CBLL1: variants seen among roughly 807,000 people sequenced by gnomAD.
The protein encoded by CBLL1 is Cbl proto-oncogene like 1.
CBLL1 carries 4 observed loss-of-function variants against 44.9 expected under a neutral mutation model. That is an observed-to-expected ratio of 0.09 (90% CI 0.04 to 0.20). CBLL1 has a LOEUF of 0.20. Ranked by LOEUF, CBLL1 falls within the 10% of genes least tolerant of loss-of-function variation. The probability of loss-of-function intolerance (pLI) is 1.00; values close to 1 mark genes in which losing one functional copy is unlikely to be tolerated. For synonymous variants in CBLL1, 235 were observed against 202.2 expected (o/e 1.16, Z -1.38); for missense variants, 569 against 636.7 (o/e 0.89, Z 1.14).
chr7:107,758,417 A>G lies in CBLL1; in HGVS notation c.715A>G (p.Met239Val). ...MSHIPPKQHI[M>V]MPPPPLQHVP... ...CCATATTCCGCCAAAGCAGCACATC[A>G]TGATGCCACCACCTCCTTTGCAACA... The change falls in exon 6 of 6, where the codon ATG becomes GTG. Residue 239 changes from methionine (M) to valine (V), a missense_variant. By Grantham distance (21) the Met-to-Val change is conservative (BLOSUM62 1). Around this residue, in one of 5 missense-constraint regions of CBLL1, gnomAD observed 111 missense variants for 113.0 expected, o/e 0.98. Transcript: ENST00000440859. The surrounding 1 kb of genome is among the most constrained non-coding windows in gnomAD (Gnocchi z 4.2). The G allele has an allele frequency of 6.2e-7, 1 of 1,614,166 alleles. No homozygotes were observed. The highest frequency in any genetic ancestry group is 8.5e-7 in the Non-Finnish European group (1 of 1,180,020).
Position 107,760,452 on chromosome 7 carries a change from G to C in CBLL1, c.*1274G>C, listed in dbSNP as rs1793720586. 6.6e-6 allele frequency: 1 copy of C among 152,212 alleles called. No homozygotes were observed. Among genetic ancestry groups the C allele is most frequent in the Non-Finnish European group, 1.5e-5 (1 of 67,958 alleles). 9.4% of individuals were successfully genotyped at this position (152,212 alleles called of 1,614,324 possible). On this transcript the variant is annotated 3_prime_UTR_variant, in exon 6 of 6. Transcript: ENST00000440859. ...TTGTATTGGAGAAGAGGAAATAACA[G>C]CTAAATTGTGGATTTCAGTGCTTTA...
chr7:107,752,646 CA>C (rs1793357026), intron 2 of CBLL1: 1 of 1,160,052 alleles, frequency 8.6e-7, no homozygotes, highest in Non-Finnish European at 1.1e-6. Context: ...GAATTCCCAT[CA>C]GACTGTTGAT....
intron 4 of CBLL1, among the ~76,000 whole-genome samples, chr7:107,754,440 T>C (rs1793439844): frequency 6.6e-6 from 1 of 152,118 alleles, no homozygotes; most frequent in South Asian, 2.1e-4. Context: ...AAAAAAATTT[T>C]ACAATCCTAA....
chr7:107,745,868 C>A (rs1037291595), intron 1 of CBLL1, among the ~76,000 whole-genome samples: 1 of 152,106 alleles, frequency 6.6e-6, no homozygotes, highest in Non-Finnish European at 1.5e-5. Flanking sequence ...AATTTGGGAA[C>A]AAGTGTTTGG....
chr7:107,751,949 C>T (rs1793312697), intron 2 of CBLL1, among the ~76,000 whole-genome samples: 1 of 152,068 alleles, frequency 6.6e-6, no homozygotes, highest in Non-Finnish European at 1.5e-5. Context: ...CCTGTTTTCC[C>T]AGCACTTTGG....
Position 107,759,200 on chromosome 7 carries a change from A to T in CBLL1, c.*22A>T. ...ATGATAATAGTATTTTGAATGGAAG[A>T]TATGAGGGGGAAAAAAACTTATGTG... On this transcript the variant is annotated 3_prime_UTR_variant, in exon 6 of 6. Coordinates refer to ENST00000440859, the MANE Select transcript of CBLL1 (RefSeq NM_024814.4). 6.5e-7 allele frequency: 1 copy of T among 1,546,948 alleles called. No homozygotes were observed. The highest frequency in any genetic ancestry group is 1.2e-5 in the South Asian group (1 of 81,682).
At chr7:107,749,496 A>C in intron 2 of CBLL1, among the ~76,000 whole-genome samples, 1 of 152,038 alleles carries the variant, frequency 6.6e-6, no homozygotes, top group East Asian at 1.9e-4. Context: ...TTTATTTAAC[A>C]GTTTTTCCAG....
intron 2 of CBLL1, among the ~76,000 whole-genome samples, chr7:107,750,779 T>C (rs1793249376): frequency 6.6e-6 from 1 of 152,206 alleles, no homozygotes; most frequent in East Asian, 1.9e-4. Flanking sequence ...TAAACAATTT[T>C]ATTGGAACAC....
intron 1 of CBLL1, among the ~76,000 whole-genome samples, chr7:107,746,589 C>T (rs1793030858): frequency 6.6e-6 from 1 of 152,020 alleles, no homozygotes; most frequent in Admixed American, 6.5e-5. Flanking sequence ...GAGGAAATGC[C>T]ACTTAGCTAG....
chr7:107,758,880 C>T lies in CBLL1; in HGVS notation c.1178C>T (p.Ala393Val). 2 of 1,614,004 alleles carry T rather than the reference C, an allele frequency of 1.2e-6. No homozygotes were observed. The highest frequency in any genetic ancestry group is 1.7e-6 in the Non-Finnish European group (2 of 1,179,960). Residue 393 changes from alanine (A) to valine (V), a missense_variant, in exon 6 of 6, where the codon GCC becomes GTC. Ala to Val is a moderately conservative substitution (Grantham distance 64, BLOSUM62 0). This residue lies in a region of CBLL1 where 228 missense variants were observed against 253.2 expected (regional missense o/e 0.90). Transcript: ENST00000440859. The surrounding 1 kb of genome is among the most constrained non-coding windows in gnomAD (Gnocchi z 4.2). Reference protein sequence around the residue: ...PITPPPGHIIAQMPPYMNHPP... With the variant: ...PITPPPGHIIVQMPPYMNHPP... ...ACCCCTCCCCCTGGACATATTATTG[C>T]CCAGATGCCACCTTATATGAATCAT... is the stretch of plus-strand genomic sequence containing the variant.
chr7:107,757,891 T>A (rs534630317), intron 5 of CBLL1, among the ~76,000 whole-genome samples: 1 of 152,074 alleles, frequency 6.6e-6, no homozygotes, highest in East Asian at 1.9e-4. Flanking sequence ...TTGGGAAGAA[T>A]GAGGTCTCTT....
chr7:107,748,956 C>T lies in CBLL1; in HGVS notation c.90C>T (p.Leu30=), dbSNP rs1793136572. Residue 30 remains leucine (L), a synonymous_variant, in exon 2 of 6, where the codon CTC becomes CTT. Transcript: ENST00000440859. ...TTCGCAGACGAATTCCTATAAAGCT[C>T]ATCTCCAAACAAGCAAACAAAGCGA... is the stretch of plus-strand genomic sequence containing the variant. ...LDVRRRIPIK[L]ISKQANKAKP... is the part of the protein sequence containing the mutation. The T allele has an allele frequency of 1.2e-6, 2 of 1,614,026 alleles. No individual in the cohort carries two copies. The highest frequency in any genetic ancestry group is 2.7e-5 in the African/African-American group (2 of 74,936).
intron 1 of CBLL1, 104 bp from the exon 2 acceptor site, chr7:107,748,776 T>A (rs1156549387): frequency 5.3e-6 from 5 of 944,184 alleles, no homozygotes; most frequent in Non-Finnish European, 7.8e-6. Context: ...AGAACCCAGA[T>A]CTTTAACCTT....
intron 2 of CBLL1, among the ~76,000 whole-genome samples, chr7:107,750,950 G>A (rs1405907650): frequency 6.7e-6 from 1 of 149,788 alleles, no homozygotes; most frequent in African/African-American, 2.5e-5. Context: ...AACATTTATG[G>A]TTATTAAGGG....
intron 2 of CBLL1, among the ~76,000 whole-genome samples, chr7:107,752,995 C>T (rs1489517617): frequency 1.3e-5 from 2 of 152,106 alleles, no homozygotes; most frequent in Non-Finnish European, 2.9e-5. Flanking sequence ...CTTAGCATAC[C>T]ATTTTTGTAG....
rs1179427857 is a variant in CBLL1, at chr7:107,758,437, G to A, written c.735G>A (p.Leu245=). Residue 245 remains leucine, a synonymous_variant, in exon 6 of 6, where the codon TTG becomes TTA. Transcript: ENST00000440859. The surrounding 1 kb of genome is among the most constrained non-coding windows in gnomAD (Gnocchi z 4.2). ...KQHIMMPPPP[L]QHVPHEHYNQ... Reference sequence around the variant, plus strand: ...ACATCATGATGCCACCACCTCCTTTGCAACATGTGCCACATGAGCACTATA... The same window carrying A: ...ACATCATGATGCCACCACCTCCTTTACAACATGTGCCACATGAGCACTATA... The A allele has an allele frequency of 3.7e-6, 6 of 1,613,892 alleles. No individual in the cohort carries two copies. The East Asian group carries it at 1.3e-4, about 36-fold the overall frequency.
intron 5 of CBLL1, among the ~76,000 whole-genome samples, chr7:107,757,840 G>A (rs145541845): frequency 1.3e-5 from 2 of 152,212 alleles, no homozygotes; most frequent in South Asian, 2.1e-4. Context: ...AATGGATGCA[G>A]AAGGTACAAT....
At chr7:107,753,023 G>T (rs1387949801) in intron 2 of CBLL1, among the ~76,000 whole-genome samples, 1 of 152,164 alleles carries the variant, frequency 6.6e-6, no homozygotes, top group Non-Finnish European at 1.5e-5. Flanking sequence ...AGAATAAATG[G>T]TGATCAATAT....
chr7:107,754,241 ATT>A (rs1793432623), intron 4 of CBLL1: 3 of 202,720 alleles, frequency 1.5e-5, no homozygotes, highest in Non-Finnish European at 2.0e-5. Flanking sequence ...ATACCAGTGA[ATT>A]TACAGTTATT....
Sources: allele counts gnomAD v4.1 joint callset (sites outside exome capture counted in the v4.1 genomes callset), GRCh38; gene constraint gnomAD v4.1.1; regional missense constraint gnomAD v4.1.1; non-coding constraint Gnocchi (gnomAD v3.1); transcripts MANE v1.5; gene names NCBI Gene and HGNC (gene_info 2026-07-23, HGNC 2026-07-21).